The following WIPI2 variants were observed in gnomAD, a reference collection of about 807,000 sequenced individuals.
The protein encoded by WIPI2 is WD repeat domain, phosphoinositide interacting 2, also known as WD repeat domain phosphoinositide-interacting protein 2.
Under a neutral mutation model 52.3 loss-of-function variants are expected in WIPI2, and 28 were observed. That is an observed-to-expected ratio of 0.54 (90% CI 0.40 to 0.73). WIPI2 has a LOEUF of 0.73. Among genes scored for constraint, WIPI2 ranks in the 30% least tolerant of loss-of-function variants. The pLI is 0.00. For synonymous variants in WIPI2, 268 were observed against 245.0 expected (o/e 1.09, Z -0.88); for missense variants, 506 against 602.9 (o/e 0.84, Z 1.68).
chr7:5,195,805 C>G (rs111452059), intron 2 of WIPI2, among the ~76,000 whole-genome samples: 1 of 152,032 alleles, frequency 6.6e-6, no homozygotes, highest in Non-Finnish European at 1.5e-5. Flanking sequence ...CTTTGGGAAG[C>G]CAGGGCAGGT....
chr7:5,229,435 A>T (rs534632839), intron 11 of WIPI2, 173 bp from the exon 12 acceptor site: 105 of 649,064 alleles, frequency 1.6e-4, no homozygotes, highest in South Asian at 6.0e-4. Context: ...AAAACTCTTC[A>T]TGTAAAAACG....
chr7:5,202,951 C>G (rs1055713133), intron 3 of WIPI2, among the ~76,000 whole-genome samples: 2 of 152,138 alleles, frequency 1.3e-5, no homozygotes, highest in African/African-American at 4.8e-5. Context: ...TGTGTGTTTT[C>G]TTTGCATTTG....
In WIPI2 at chr7:5,223,331, C is replaced by T. The variant is rs1783245273; in HGVS notation, c.740+659C>T. 2.6e-5 allele frequency among the ~76,000 whole-genome samples: 4 copies of T among 152,216 alleles called. No homozygotes were observed. In the South Asian group the frequency reaches 8.3e-4, roughly 32 times the overall value. ...ACCCCACCTCAGGTCTGTGGCTCCACGTCTCGGATCAGTACCTCCCTCCCT... is the reference window on the plus strand; with the variant it reads ...ACCCCACCTCAGGTCTGTGGCTCCATGTCTCGGATCAGTACCTCCCTCCCT... On this transcript the variant is annotated intron_variant, in intron 8 of 12. Transcript: ENST00000288828.
chr7:5,206,303 G>A (rs981462896), intron 3 of WIPI2, among the ~76,000 whole-genome samples: 49 of 152,142 alleles, frequency 3.2e-4, no homozygotes, highest in African/African-American at 1.2e-3. Flanking sequence ...TTACTCTGAA[G>A]CATTTAGGGT....
chr7:5,191,920 C>G (rs1055489592), intron 1 of WIPI2, among the ~76,000 whole-genome samples: 1 of 152,166 alleles, frequency 6.6e-6, no homozygotes, highest in Non-Finnish European at 1.5e-5. Context: ...CCTCATCCAA[C>G]TACAGATGAG....
rs754454829 is a variant in WIPI2, at chr7:5,199,581, T to C, written c.134T>C (p.Leu45Pro). ...GLGRRAVVWS[L>P]AVGSKSGYKF... ...TGAATTTGGCTTTTTTGCAGGTCCC[T>C]AGCTGTTGGTAGTAAGTCCGGTTAT... Residue 45 changes from leucine to proline, a missense_variant, in exon 3 of 13, where the codon CTA becomes CCA. Transcript: ENST00000288828. 6.2e-7 allele frequency: 1 copy of C among 1,612,934 alleles called. No individual in the cohort carries two copies. Among genetic ancestry groups the C allele is most frequent in the South Asian group, 1.1e-5 (1 of 90,806 alleles).
intron 7 of WIPI2, among the ~76,000 whole-genome samples, chr7:5,221,350 C>T (rs965465925): frequency 2.0e-5 from 3 of 152,178 alleles, no homozygotes; most frequent in Non-Finnish European, 4.4e-5. Context: ...CTCAGGAGAT[C>T]TGCCCACCTT....
chr7:5,199,767 C>G (rs939926518), intron 3 of WIPI2, 109 bp downstream of exon 3: 2 of 1,065,692 alleles, frequency 1.9e-6, no homozygotes, highest in Middle Eastern at 3.1e-4. Flanking sequence ...CAGACACCCT[C>G]TTACCAGTCC....
chr7:5,223,305 G>A (rs370914738), intron 8 of WIPI2, among the ~76,000 whole-genome samples: 29 of 152,264 alleles, frequency 1.9e-4, no homozygotes, highest in South Asian at 8.3e-4. Flanking sequence ...TGGTCGGCGG[G>A]ACCCCACCTC....
intron 7 of WIPI2, among the ~76,000 whole-genome samples, chr7:5,220,584 A>G (rs1022594986): frequency 2.2e-4 from 34 of 152,074 alleles, no homozygotes; most frequent in African/African-American, 6.3e-4. Context: ...TGGCATGATC[A>G]TGGCTCACTG....
chr7:5,190,535 G>T lies in WIPI2; in HGVS notation c.74+42G>T, dbSNP rs1781423657. 12 of 1,446,754 alleles carry T rather than the reference G, an allele frequency of 8.3e-6. No homozygotes were observed. The South Asian group carries it at 1.4e-4, about 17-fold the overall frequency. The allele number at this position is 1,446,754 out of a possible 1,614,324, so 89.6% of individuals were successfully genotyped here. A position where few individuals can be genotyped will look rare whatever the true frequency, so the allele number is the denominator to read the frequency against. ...GGGTCGGAGTCGGGGTGAGGCCAGG[G>T]TCGGACCCGGGCTAGGGGGAGGGCC... On this transcript the variant is annotated intron_variant, in intron 1 of 12. Coordinates refer to ENST00000288828, the MANE Select transcript of WIPI2 (RefSeq NM_015610.4).
intron 6 of WIPI2, 175 bp downstream of exon 6, chr7:5,217,362 T>C (rs1257325298): frequency 1.5e-6 from 1 of 674,482 alleles, no homozygotes; most frequent in Non-Finnish European, 2.6e-6. Flanking sequence ...TGGAGTGCAG[T>C]GGTGCAGTCC....
At chr7:5,207,012 C>G (rs900582050) in intron 3 of WIPI2, among the ~76,000 whole-genome samples, 9 of 152,156 alleles carry the variant, frequency 5.9e-5, no homozygotes, top group Non-Finnish European at 8.8e-5. Flanking sequence ...CTCCTGGGCT[C>G]AAGTGATCCA....
intron 2 of WIPI2, among the ~76,000 whole-genome samples, chr7:5,194,394 G>A (rs190623653): frequency 9.9e-5 from 15 of 152,226 alleles, no homozygotes; most frequent in South Asian, 4.1e-4. Context: ...GAGTCTTTAC[G>A]GACTGACGAT....
intron 7 of WIPI2, among the ~76,000 whole-genome samples, chr7:5,221,965 T>TC (rs869227781): frequency 7.3e-5 from 3 of 41,360 alleles, no homozygotes; most frequent in East Asian, 1.9e-3. Flanking sequence ...TTTTTTTTTT[T>TC]CCCCCCCCGA....
In WIPI2 at chr7:5,227,952, G is replaced by A. The variant is rs566655976; in HGVS notation, c.1014-152G>A. On this transcript the variant is annotated intron_variant, in intron 10 of 12. Coordinates refer to ENST00000288828, the MANE Select transcript of WIPI2 (RefSeq NM_015610.4). This position sits in a 1 kb window ranked among gnomAD's most constrained non-coding sequence, Gnocchi z 8.1. The stretch of plus-strand genomic sequence containing the variant: ...CACGAGTGCAGCCTTGGCCGTGTGA[G>A]CCGAGGTCAGTGGGGCGCCAGACAC... 7 of 745,072 alleles carry A rather than the reference G, an allele frequency of 9.4e-6. No homozygotes were observed. Among genetic ancestry groups the A allele is most frequent in the Middle Eastern group, 2.6e-4 (1 of 3,798 alleles). 46.2% of individuals were successfully genotyped at this position (745,072 alleles called of 1,614,324 possible).
intron 11 of WIPI2, among the ~76,000 whole-genome samples, chr7:5,228,567 C>G (rs1375137036): frequency 6.6e-6 from 1 of 152,196 alleles, no homozygotes; most frequent in Non-Finnish European, 1.5e-5. Flanking sequence ...AAGGGCGCAG[C>G]GTGGTGGCCT....
rs183313276 is a variant in WIPI2 at position 5,233,687 on chromosome 7, G to A, written c.*2740G>A. The A allele has an allele frequency of 7.2e-5, 11 of 152,436 alleles. No individual in the cohort carries two copies. The highest frequency in any genetic ancestry group is 2.4e-4 in the African/African-American group (10 of 41,558). 9.4% of individuals were successfully genotyped at this position (152,436 alleles called of 1,614,324 possible). ...GCAGGCAGGGCGCCTGGGAGCCTGCGTTTTCTGGACCGTTCCATGGGACTC... is the reference window on the plus strand; with the variant it reads ...GCAGGCAGGGCGCCTGGGAGCCTGCATTTTCTGGACCGTTCCATGGGACTC... On this transcript the variant is annotated 3_prime_UTR_variant, in exon 13 of 13. Transcript: ENST00000288828.
intron 7 of WIPI2, among the ~76,000 whole-genome samples, chr7:5,222,212 G>A (rs897248171): frequency 2.6e-5 from 4 of 152,174 alleles, no homozygotes; most frequent in African/African-American, 9.7e-5. Flanking sequence ...GCCTCCCAAA[G>A]TTCTGGGATT....
Sources: allele counts gnomAD v4.1 joint callset (sites outside exome capture counted in the v4.1 genomes callset), GRCh38; gene constraint gnomAD v4.1.1; non-coding constraint Gnocchi (gnomAD v3.1); transcripts MANE v1.5; gene names NCBI Gene and HGNC (gene_info 2026-07-23, HGNC 2026-07-21).